Variants in PLXNA2 observed in about 807,000 individuals in gnomAD.
PLXNA2 encodes the protein plexin-A2.
In PLXNA2, 91 loss-of-function variants were observed where a neutral mutation model predicts 193.5. That is an observed-to-expected ratio of 0.47 (90% confidence interval 0.40 to 0.56). PLXNA2 has a LOEUF of 0.56. Ranked by LOEUF, PLXNA2 falls within the 20% of genes least tolerant of loss-of-function variation. The pLI, the probability that PLXNA2 is intolerant of heterozygous loss-of-function variation, is 0.00. For missense variants in PLXNA2, 1,995 were observed against 2,503.2 expected (o/e 0.80, Z 4.33); for synonymous variants, 997 against 1,027.3 (o/e 0.97, Z 0.56).
intron 18 of PLXNA2, 53 bp downstream of exon 18, chr1:208,045,825 G>A (rs1665044088): frequency 6.9e-6 from 11 of 1,601,724 alleles, no homozygotes; most frequent in East Asian, 4.5e-5. Context: ...AGCGAGGGGC[G>A]CCCTCTGGCA....
chr1:208,058,012 C>T (rs1176249228), intron 13 of PLXNA2, among the ~76,000 whole-genome samples: 1 of 152,176 alleles, frequency 6.6e-6, no homozygotes, highest in East Asian at 1.9e-4. Flanking sequence ...CACAGCTGAG[C>T]TAAGGCTTGA....
chr1:208,151,252 A>G (rs941304661), intron 3 of PLXNA2, among the ~76,000 whole-genome samples: 3 of 152,186 alleles, frequency 2.0e-5, no homozygotes, highest in Admixed American at 6.5e-5. Context: ...ACTTCTGCCA[A>G]ATCTGAACCT....
chr1:208,118,529 G>A (rs12136143), intron 4 of PLXNA2, among the ~76,000 whole-genome samples: 65,150 of 152,118 alleles, frequency 0.43, 14,252 homozygotes, highest in Non-Finnish European at 0.45. Flanking sequence ...CCCCCACCCC[G>A]GGGTCTTGTC....
intron 13 of PLXNA2, among the ~76,000 whole-genome samples, chr1:208,057,547 G>C (rs1225847096): frequency 6.6e-6 from 1 of 152,184 alleles, no homozygotes; most frequent in African/African-American, 2.4e-5. Context: ...ACCATAGGCA[G>C]TGGTGTGTGC....
At chr1:208,229,704 T>G (rs569691918) in intron 1 of PLXNA2, among the ~76,000 whole-genome samples, 41 of 152,340 alleles carry the variant, frequency 2.7e-4, no homozygotes, top group African/African-American at 9.4e-4. Context: ...GAAGAATGTA[T>G]AATCTAGACT....
chr1:208,107,907 T>C (rs1667326331), intron 4 of PLXNA2, among the ~76,000 whole-genome samples: 1 of 152,094 alleles, frequency 6.6e-6, no homozygotes, highest in South Asian at 2.1e-4. Flanking sequence ...TCCACCCTCA[T>C]GCTTGACATT....
chr1:208,033,716 A>G (rs1218924125), intron 27 of PLXNA2, among the ~76,000 whole-genome samples: 1 of 152,204 alleles, frequency 6.6e-6, no homozygotes, highest in Admixed American at 6.5e-5. Context: ...GCTTTTTTAG[A>G]AAAGGATTTA....
chr1:208,167,950 G>A (rs1223569412), intron 3 of PLXNA2, among the ~76,000 whole-genome samples: 2 of 152,172 alleles, frequency 1.3e-5, no homozygotes, highest in Non-Finnish European at 2.9e-5. Context: ...TGGGGTCCCA[G>A]AGTTATTAAT....
intron 4 of PLXNA2, among the ~76,000 whole-genome samples, chr1:208,116,522 G>C (rs897360370): frequency 3.9e-5 from 6 of 152,088 alleles, no homozygotes; most frequent in African/African-American, 1.2e-4. Context: ...GTATCCATTC[G>C]GTGACTTGAG....
At chr1:208,149,636 C>T (rs1299278909) in intron 3 of PLXNA2, among the ~76,000 whole-genome samples, 2 of 151,716 alleles carry the variant, frequency 1.3e-5, no homozygotes, top group Non-Finnish European at 2.9e-5. Flanking sequence ...GTGGAGAGGG[C>T]CTGGTGCTGC....
intron 4 of PLXNA2, among the ~76,000 whole-genome samples, chr1:208,127,478 A>G (rs1340169062): frequency 6.6e-6 from 1 of 152,136 alleles, no homozygotes; most frequent in Admixed American, 6.5e-5. Context: ...CCTTGTCACC[A>G]CTACAATTGT....
chr1:208,154,549 G>A (rs1376747638), intron 3 of PLXNA2, among the ~76,000 whole-genome samples: 3 of 152,142 alleles, frequency 2.0e-5, no homozygotes, highest in African/African-American at 7.2e-5. Flanking sequence ...GACCAAGGGA[G>A]CTACACTAGG....
Position 208,217,015 on chromosome 1 carries a change from G to A in PLXNA2, c.908C>T (p.Ala303Val). 1 of 1,611,786 alleles carries A rather than the reference G, an allele frequency of 6.2e-7. No individual in the cohort carries two copies. Among genetic ancestry groups the A allele is most frequent in the Non-Finnish European group, 8.5e-7 (1 of 1,178,414 alleles). The change falls in exon 2 of 32, where the codon GCC (alanine) becomes GTC (valine). Residue 303 changes from alanine to valine, a missense_variant. Physicochemically the swap from Ala to Val is moderately conservative, Grantham distance 64. Transcript: ENST00000367033. This position sits in a 1 kb window ranked among gnomAD's most constrained non-coding sequence, Gnocchi z 4.7. ...YVSLPFGCTRAGVEYRLLQAA... is the reference protein window; with the variant it reads ...YVSLPFGCTRVGVEYRLLQAA... ...CTGCAGGAGGCGGTATTCCACCCCG[G>A]CCCGGGTGCAGCCGAAGGGCAGGGA... is the stretch of plus-strand genomic sequence containing the variant.
chr1:208,051,272 C>T lies in PLXNA2; in HGVS notation c.3145G>A (p.Glu1049Lys), dbSNP rs1182710983. 1.2e-6 allele frequency: 2 copies of T among 1,610,456 alleles called. No individual in the cohort carries two copies. The highest frequency in any genetic ancestry group is 1.7e-6 in the Non-Finnish European group (2 of 1,177,848). Residue 1049 changes from glutamate (E) to lysine (K), a missense_variant, in exon 16 of 32, where the codon GAG (glutamate) becomes AAG (lysine). Coordinates refer to ENST00000367033, the MANE Select transcript of PLXNA2 (RefSeq NM_025179.4). The part of the protein sequence containing the change: ...DDPRVQRIEP[E>K]WSIASGHTPL... Reference sequence around the variant, plus strand: ...CCACCTCACCTGGCAATGCTCCACTCTGGCTCGATGCGCTGGACCCGAGGG... The same window carrying T: ...CCACCTCACCTGGCAATGCTCCACTTTGGCTCGATGCGCTGGACCCGAGGG...
At position 208,090,982 on chromosome 1, in the gene PLXNA2, C is replaced by A. The variant is rs888252600; in HGVS notation, c.2097+1804G>T. On this transcript the variant is annotated intron_variant, in intron 9 of 31. Transcript: ENST00000367033. The stretch of plus-strand genomic sequence containing the variant: ...CCTGCAGCTCTGTGTGAAAGGACTG[C>A]CCCCAGAGCAGTTTCATACTGTTGC... Among the ~76,000 whole-genome samples, 6 of 152,308 alleles carry A rather than the reference C, an allele frequency of 3.9e-5. No homozygotes were observed. In the East Asian group the frequency reaches 7.7e-4, roughly 20 times the overall value.
chr1:208,050,776 C>T (rs1014358726), intron 17 of PLXNA2, among the ~76,000 whole-genome samples: 4 of 152,112 alleles, frequency 2.6e-5, no homozygotes, highest in African/African-American at 9.7e-5. Flanking sequence ...CTGCAGTGAG[C>T]TGTGGTTGCA....
chr1:208,187,411 A>G (rs1670043052), intron 3 of PLXNA2, among the ~76,000 whole-genome samples: 1 of 152,148 alleles, frequency 6.6e-6, no homozygotes, highest in African/African-American at 2.4e-5. Flanking sequence ...TGTGAGAGAG[A>G]CCGTAGGGAG....
At chr1:208,189,510 GA>G (rs533048081) in intron 3 of PLXNA2, among the ~76,000 whole-genome samples, 72 of 142,044 alleles carry the variant, frequency 5.1e-4, no homozygotes, top group Middle Eastern at 3.5e-3. Context: ...GAGATAAAGA[GA>G]AAAAAAAAAA....
intron 1 of PLXNA2, among the ~76,000 whole-genome samples, chr1:208,222,863 TC>T (rs1671383218): frequency 6.6e-6 from 1 of 152,172 alleles, no homozygotes; most frequent in African/African-American, 2.4e-5. Context: ...CGTGGGCCCA[TC>T]TGTAGCTCCA....
Sources: gnomAD v4.1 joint callset for allele counts (sites outside exome capture counted in the v4.1 genomes callset) on GRCh38, gnomAD v4.1.1 for gene constraint, Gnocchi (gnomAD v3.1) non-coding constraint, MANE v1.5 for transcripts, NCBI Gene and HGNC (gene_info 2026-07-23, HGNC 2026-07-21) for gene names.